DPP10: variants seen among roughly 807,000 people sequenced by gnomAD.
DPP10 encodes inactive dipeptidyl peptidase 10.
A neutral mutation model predicts 120.9 loss-of-function variants in DPP10; 33 were observed. The ratio of observed to expected loss-of-function variants is 0.27; its 90% CI spans 0.21 to 0.37. The LOEUF (loss-of-function observed/expected upper bound fraction) is 0.37, where lower values mean the gene tolerates loss of function less well. DPP10 is among the 10% of genes least tolerant of loss of function. The pLI is 1.00. For missense variants in DPP10, 816 were observed against 942.8 expected, an observed-to-expected ratio of 0.87 and a Z score of 1.76; for synonymous variants, 337 against 326.1, an observed-to-expected ratio of 1.03 and a Z score of -0.36.
At chr2:114,864,818 T>C (rs947899197) in intron 1 of DPP10, among the ~76,000 whole-genome samples, 1 of 152,222 alleles carries the variant, frequency 6.6e-6, no homozygotes, top group African/African-American at 2.4e-5. Flanking sequence ...TTGGCTTCAG[T>C]ACTACCTAGA....
intron 1 of DPP10, among the ~76,000 whole-genome samples, chr2:114,463,010 C>G (rs1679055440): frequency 1.3e-5 from 2 of 152,076 alleles, no homozygotes; most frequent in Non-Finnish European, 2.9e-5. Context: ...TATTCCCTGC[C>G]TTGGCCCTAG....
chr2:115,733,601 A>T (rs1007156813), intron 8 of DPP10, among the ~76,000 whole-genome samples: 1 of 152,168 alleles, frequency 6.6e-6, no homozygotes, highest in African/African-American at 2.4e-5. Flanking sequence ...AAAAAAAAAA[A>T]AAAATCAACC....
chr2:115,714,986 G>A (rs78573920), intron 7 of DPP10, among the ~76,000 whole-genome samples: 29 of 138,614 alleles, frequency 2.1e-4, no homozygotes, highest in South Asian at 2.3e-4. Context: ...GCAAGATCGC[G>A]CCACCGCACT....
At chr2:114,671,654 G>C (rs1698349704) in intron 1 of DPP10, among the ~76,000 whole-genome samples, 1 of 152,056 alleles carries the variant, frequency 6.6e-6, no homozygotes, top group Non-Finnish European at 1.5e-5. Flanking sequence ...TTGGATAAAG[G>C]GGGAATTACT....
intron 7 of DPP10, among the ~76,000 whole-genome samples, chr2:115,721,295 A>G (rs1205344742): frequency 1.3e-5 from 2 of 152,138 alleles, no homozygotes; most frequent in Admixed American, 6.6e-5. Context: ...AAGCTGATTA[A>G]ACACTCTTGG....
Position 115,053,012 on chromosome 2 carries a change from CT to C in DPP10, c.61-256226del, listed in dbSNP as rs376385314. On this transcript the variant is annotated intron_variant, in intron 1 of 25. Transcript: ENST00000410059. ...GTGGGCACGTGAGAGAACTGCACCC[CT>C]GATCCATCATTATTGGGAGTATAAA... is the stretch of plus-strand genomic sequence containing the variant. 1.9e-4 allele frequency among the ~76,000 whole-genome samples: 29 copies of C among 151,876 alleles called. No individual in the cohort carries two copies. In the East Asian group the frequency reaches 4.8e-3, roughly 25 times the overall value.
intron 1 of DPP10, among the ~76,000 whole-genome samples, chr2:115,012,743 G>A (rs988053993): frequency 5.9e-5 from 9 of 152,050 alleles, no homozygotes; most frequent in Non-Finnish European, 1.2e-4. Flanking sequence ...ATCAATTCTG[G>A]TAACATGACA....
rs182319890 is a variant in DPP10 at position 114,677,235 on chromosome 2, G to T, written c.60+234397G>T. On this transcript the variant is annotated intron_variant, in intron 1 of 25. Coordinates refer to ENST00000410059, the MANE Select transcript of DPP10 (RefSeq NM_020868.6). Reference sequence around the variant, plus strand: ...AATTGAAGACGGCTGTCTAGGCAAGGCTCTTAACTATTAACATTGTGGAAT... The same window carrying T: ...AATTGAAGACGGCTGTCTAGGCAAGTCTCTTAACTATTAACATTGTGGAAT... 4.6e-4 allele frequency among the ~76,000 whole-genome samples: 70 copies of T among 152,200 alleles called. 1 individual carries two copies. Among genetic ancestry groups the T allele is most frequent in the Non-Finnish European group, 9.0e-4 (61 of 68,002 alleles).
chr2:114,919,728 T>C (rs1047815200), intron 1 of DPP10, among the ~76,000 whole-genome samples: 3 of 152,194 alleles, frequency 2.0e-5, no homozygotes, highest in African/African-American at 7.2e-5. Flanking sequence ...ACTATTACAA[T>C]CAACTATTAT....
chr2:114,975,183 C>T (rs189196265), intron 1 of DPP10, among the ~76,000 whole-genome samples: 2,765 of 151,428 alleles, frequency 0.018, 46 homozygotes, highest in Non-Finnish European at 0.028. Context: ...GTAGCTGGGG[C>T]GACAGGCGCA....
At chr2:115,785,136 G>A (rs1005508778) in intron 17 of DPP10, among the ~76,000 whole-genome samples, 3 of 152,138 alleles carry the variant, frequency 2.0e-5, no homozygotes, top group African/African-American at 4.8e-5. Flanking sequence ...TCAACCAAAG[G>A]AAATCTTGTA....
At chr2:114,672,651 A>G (rs1698420591) in intron 1 of DPP10, among the ~76,000 whole-genome samples, 2 of 152,136 alleles carry the variant, frequency 1.3e-5, no homozygotes, top group Non-Finnish European at 2.9e-5. Flanking sequence ...TTCCCAGTTG[A>G]CCTTTCTTGT....
intron 5 of DPP10, among the ~76,000 whole-genome samples, chr2:115,676,926 A>G (rs767864596): frequency 6.6e-6 from 1 of 152,202 alleles, no homozygotes; most frequent in Non-Finnish European, 1.5e-5. Context: ...TTCTAAAAAC[A>G]GCAAGAGGAA....
intron 1 of DPP10, among the ~76,000 whole-genome samples, chr2:115,122,573 C>T (rs1337731643): frequency 6.6e-6 from 1 of 152,252 alleles, no homozygotes; most frequent in Non-Finnish European, 1.5e-5. Context: ...TGGCAATGAG[C>T]CGAGACACAT....
At position 114,967,290 on chromosome 2, in the gene DPP10, G is replaced by C. The variant is rs779917451; in HGVS notation, c.61-341949G>C. 3.0e-4 allele frequency among the ~76,000 whole-genome samples: 46 copies of C among 152,194 alleles called. 1 individual carries two copies. The highest frequency in any genetic ancestry group is 1.6e-3 in the Admixed American group (25 of 15,286). On this transcript the variant is annotated intron_variant, in intron 1 of 25. Transcript: ENST00000410059. Reference sequence around the variant, plus strand: ...GGAGCAAGTGAGAAGGCATGGATCTGGTGTCCAAGTGAGTTGTCCTGAGAT... The same window carrying C: ...GGAGCAAGTGAGAAGGCATGGATCTCGTGTCCAAGTGAGTTGTCCTGAGAT...
chr2:115,161,973 A>G, intron 1 of DPP10: 9 of 1,420,598 alleles, frequency 6.3e-6, no homozygotes, highest in Non-Finnish European at 7.3e-6. Context: ...GCCGCGAAGC[A>G]GGAGCCGCAG....
chr2:115,359,755 A>T (rs908390529), intron 3 of DPP10, among the ~76,000 whole-genome samples: 1 of 152,124 alleles, frequency 6.6e-6, no homozygotes. Context: ...GCTATTGCAT[A>T]ATAGGCTTGG....
intron 3 of DPP10, among the ~76,000 whole-genome samples, chr2:115,397,486 C>T (rs2067767238): frequency 6.6e-6 from 1 of 152,126 alleles, no homozygotes; most frequent in Admixed American, 6.6e-5. Flanking sequence ...GAGTTATATT[C>T]TAAGTCTTCT....
At chr2:114,988,535 A>G (rs1189074773) in intron 1 of DPP10, among the ~76,000 whole-genome samples, 3 of 152,122 alleles carry the variant, frequency 2.0e-5, no homozygotes, top group East Asian at 3.9e-4. Context: ...GCAAACAATC[A>G]TACTCCAAAC....
Sources: allele counts gnomAD v4.1 joint callset (sites outside exome capture counted in the v4.1 genomes callset), GRCh38; gene constraint gnomAD v4.1.1; transcripts MANE v1.5; gene names NCBI Gene and HGNC (gene_info 2026-07-23, HGNC 2026-07-21).